The following CFTR variants were observed in gnomAD, a reference collection of about 807,000 sequenced individuals.
CFTR encodes CF transmembrane conductance regulator.
In CFTR, 181 loss-of-function variants were observed where a neutral mutation model predicts 171.6. The observed-to-expected ratio is 1.05, with a 90% CI of 0.93 to 1.19. The LOEUF is 1.19. Among genes scored for constraint, CFTR ranks in the 50% most tolerant of loss-of-function variants. The pLI is 0.00. For missense variants in CFTR, 1,968 were observed against 1,734.7 expected (o/e 1.13, Z -2.39); for synonymous variants, 583 against 608.0 (o/e 0.96, Z 0.60).
chr7:117,621,896 C>T (rs1792587607), intron 21 of CFTR, among the ~76,000 whole-genome samples: 1 of 152,174 alleles, frequency 6.6e-6, no homozygotes, highest in Admixed American at 6.6e-5. Context: ...CCCATTGACA[C>T]ACTTAGTACC....
At chr7:117,489,395 C>T (rs1798121786) in intron 1 of CFTR, among the ~76,000 whole-genome samples, 1 of 152,032 alleles carries the variant, frequency 6.6e-6, no homozygotes, top group East Asian at 1.9e-4. Flanking sequence ...TAATGTAGTG[C>T]TTCTTTTTGG....
At chr7:117,560,973 C>T (rs1038018162) in intron 11 of CFTR, among the ~76,000 whole-genome samples, 7 of 151,254 alleles carry the variant, frequency 4.6e-5, no homozygotes, top group Non-Finnish European at 8.9e-5. Flanking sequence ...TTTTTTTTTG[C>T]GTTAAGTATG....
chr7:117,628,057 G>T (rs1792683423), intron 22 of CFTR: 1 of 260,904 alleles, frequency 3.8e-6, no homozygotes, highest in Non-Finnish European at 7.3e-6. Context: ...AATCAAAATT[G>T]TAACATGTTT....
intron 3 of CFTR, among the ~76,000 whole-genome samples, chr7:117,514,195 A>G (rs1266225776): frequency 2.0e-5 from 3 of 151,566 alleles, no homozygotes; most frequent in African/African-American, 7.3e-5. Flanking sequence ...TTTTCTTCTA[A>G]AAAAAAATCC....
chr7:117,556,857 T>A (rs1032352420), intron 10 of CFTR, among the ~76,000 whole-genome samples: 2 of 152,164 alleles, frequency 1.3e-5, no homozygotes, highest in Non-Finnish European at 2.9e-5. Flanking sequence ...AACTCCTTTA[T>A]TGATACTTTT....
At chr7:117,565,812 T>C (rs888003913) in intron 11 of CFTR, among the ~76,000 whole-genome samples, 1 of 152,096 alleles carries the variant, frequency 6.6e-6, no homozygotes, top group Non-Finnish European at 1.5e-5. Flanking sequence ...GAGAAGAATT[T>C]ACTGAAAGAA....
chr7:117,650,727 G>A (rs955525410), intron 23 of CFTR, among the ~76,000 whole-genome samples: 2 of 152,136 alleles, frequency 1.3e-5, no homozygotes, highest in African/African-American at 4.8e-5. Context: ...CATAGGAAGA[G>A]GAAGCTAATC....
At position 117,537,813 on chromosome 7, in the gene CFTR, A is replaced by G. The variant is rs535410948; in HGVS notation, c.869+1140A>G. On this transcript the variant is annotated intron_variant, in intron 7 of 26. Coordinates refer to ENST00000003084, the MANE Select transcript of CFTR (RefSeq NM_000492.4). ...CTTGGGGGAATTGTTCAATTGGTAG[A>G]TGTTGTTTTTCTCATTAACAAGTGA... Among the ~76,000 whole-genome samples, 4 of 152,244 alleles carry G rather than the reference A, an allele frequency of 2.6e-5. No individual in the cohort carries two copies. In the East Asian group the frequency reaches 7.7e-4, roughly 29 times the overall value.
intron 3 of CFTR, among the ~76,000 whole-genome samples, chr7:117,522,506 G>T (rs1375698692): frequency 6.6e-6 from 1 of 152,136 alleles, no homozygotes; most frequent in Non-Finnish European, 1.5e-5. Context: ...TTGGTATCAG[G>T]CTTCTTCTAT....
At chr7:117,577,480 GA>G (rs1490200771) in intron 11 of CFTR, among the ~76,000 whole-genome samples, 1 of 151,936 alleles carries the variant, frequency 6.6e-6, no homozygotes, top group Non-Finnish European at 1.5e-5. Flanking sequence ...ATTAACTGAG[GA>G]AAAAAAGGGC....
chr7:117,576,906 A>G (rs1349465842), intron 11 of CFTR, among the ~76,000 whole-genome samples: 2 of 152,142 alleles, frequency 1.3e-5, no homozygotes, highest in Admixed American at 1.3e-4. Flanking sequence ...ATTGCCTGCA[A>G]TAATTAAGCT....
chr7:117,586,048 A>G (rs554835731), intron 11 of CFTR, among the ~76,000 whole-genome samples: 108 of 152,336 alleles, frequency 7.1e-4, no homozygotes, highest in African/African-American at 2.5e-3. Context: ...TAAAACTGAA[A>G]TCTTCAGCCT....
intron 1 of CFTR, among the ~76,000 whole-genome samples, chr7:117,492,516 A>G (rs1475326935): frequency 2.0e-5 from 3 of 152,056 alleles, no homozygotes; most frequent in Admixed American, 1.3e-4. Context: ...ACTGAACAAC[A>G]TGATGGAGAT....
chr7:117,644,914 A>C (rs745654443), intron 23 of CFTR, among the ~76,000 whole-genome samples: 4 of 152,224 alleles, frequency 2.6e-5, no homozygotes, highest in African/African-American at 4.8e-5. Flanking sequence ...AAGATCTAAA[A>C]TGGTTTATTA....
intron 10 of CFTR, among the ~76,000 whole-genome samples, chr7:117,552,075 TAC>T (rs1020572079): frequency 2.6e-5 from 4 of 152,014 alleles, no homozygotes; most frequent in Admixed American, 6.6e-5. Flanking sequence ...TATATATATA[TAC>T]ACACACACAT....
intron 20 of CFTR, among the ~76,000 whole-genome samples, chr7:117,612,575 T>C (rs1273553409): frequency 2.0e-5 from 3 of 152,140 alleles, no homozygotes; most frequent in Admixed American, 6.6e-5. Context: ...TAACTTCTTA[T>C]ATGTGACAGT....
At chr7:117,545,620 C>T (rs1467594363) in intron 9 of CFTR, among the ~76,000 whole-genome samples, 1 of 152,146 alleles carries the variant, frequency 6.6e-6, no homozygotes, top group African/African-American at 2.4e-5. Flanking sequence ...TTATATACAA[C>T]TCCTCCCTTG....
intron 3 of CFTR, among the ~76,000 whole-genome samples, chr7:117,528,387 C>T (rs1227543806): frequency 3.9e-4 from 40 of 103,116 alleles, no homozygotes; most frequent in African/African-American, 1.4e-3. Context: ...AAGATTTAAA[C>T]GTTAGACCTA....
chr7:117,514,000 C>T (rs1303467799), intron 3 of CFTR, among the ~76,000 whole-genome samples: 1 of 152,150 alleles, frequency 6.6e-6, no homozygotes, highest in African/African-American at 2.4e-5. Context: ...TGGGATAAAA[C>T]CTGGGACACT....
Sources: gnomAD v4.1 joint callset for allele counts (sites outside exome capture counted in the v4.1 genomes callset) on GRCh38, gnomAD v4.1.1 for gene constraint, MANE v1.5 for transcripts, NCBI Gene and HGNC (gene_info 2026-07-23, HGNC 2026-07-21) for gene names.